The following ERC1 variants were observed in gnomAD, a reference collection of about 807,000 sequenced individuals.
The protein encoded by ERC1 is RAB6 interacting protein 2.
In ERC1, 56 loss-of-function variants were observed where a neutral mutation model predicts 132.0. That is an observed-to-expected ratio of 0.42 (90% confidence interval 0.34 to 0.53). The LOEUF is 0.53. Ranked by LOEUF, ERC1 falls within the 20% of genes least tolerant of loss-of-function variation. The probability of loss-of-function intolerance (pLI) is 0.03; values close to 1 mark genes in which losing one functional copy is unlikely to be tolerated. For synonymous variants in ERC1, 478 were observed against 476.1 expected, an observed-to-expected ratio of 1.00 and a Z score of -0.05; for missense variants, 1,202 against 1,349.9, an observed-to-expected ratio of 0.89 and a Z score of 1.72.
intron 18 of ERC1, among the ~76,000 whole-genome samples, chr12:1,451,648 A>T (rs578250292): frequency 2.0e-5 from 3 of 152,324 alleles, no homozygotes; most frequent in African/African-American, 7.2e-5. Context: ...TAAATTAAAA[A>T]TAAATTTTAA....
intron 15 of ERC1, among the ~76,000 whole-genome samples, chr12:1,343,465 T>C (rs2084116888): frequency 6.6e-6 from 1 of 152,210 alleles, no homozygotes; most frequent in Non-Finnish European, 1.5e-5. Flanking sequence ...TCCTATGAGC[T>C]GCACCAGGAA....
chr12:1,321,998 C>T (rs1340342061), intron 15 of ERC1, among the ~76,000 whole-genome samples: 2 of 150,808 alleles, frequency 1.3e-5, no homozygotes, highest in Non-Finnish European at 3.0e-5. Context: ...TTCCATACCA[C>T]GTTCGGCAGT....
chr12:1,066,553 G>T (rs1939225053), intron 2 of ERC1, among the ~76,000 whole-genome samples: 1 of 152,066 alleles, frequency 6.6e-6, no homozygotes, highest in South Asian at 2.1e-4. Context: ...TTATCACCTA[G>T]AGGCTGGGTG....
rs578172092 is a variant in ERC1, at chr12:1,270,018, G to A, written c.2619+6853G>A. Reference sequence around the variant, plus strand: ...AACCTAATTAAGTTGCCAGTTGGTAGATTATGATAAATAATTTTCGATGAC... The same window carrying A: ...AACCTAATTAAGTTGCCAGTTGGTAAATTATGATAAATAATTTTCGATGAC... On this transcript the variant is annotated intron_variant, in intron 14 of 18. Transcript: ENST00000360905. Among the ~76,000 whole-genome samples, 3 of 152,318 alleles carry A rather than the reference G, an allele frequency of 2.0e-5. No homozygotes were observed. In the South Asian group the frequency reaches 6.2e-4, roughly 32 times the overall value.
chr12:1,263,460 C>T (rs999868030), intron 14 of ERC1, among the ~76,000 whole-genome samples: 2 of 152,118 alleles, frequency 1.3e-5, no homozygotes, highest in African/African-American at 4.8e-5. Flanking sequence ...AATGCCTTGT[C>T]TACTCTTTCT....
intron 7 of ERC1, among the ~76,000 whole-genome samples, chr12:1,140,889 GAA>G (rs1169719369): frequency 6.6e-6 from 1 of 151,908 alleles, no homozygotes; most frequent in Non-Finnish European, 1.5e-5. Flanking sequence ...AAATGACAAT[GAA>G]AAAAGAATGT....
intron 2 of ERC1, among the ~76,000 whole-genome samples, chr12:1,055,658 A>G (rs763337137): frequency 6.6e-6 from 1 of 152,258 alleles, no homozygotes; most frequent in African/African-American, 2.4e-5. Flanking sequence ...TATGTATACA[A>G]TGATCAATCT....
At chr12:1,179,284 C>T (rs1244263033) in intron 8 of ERC1, among the ~76,000 whole-genome samples, 1 of 152,040 alleles carries the variant, frequency 6.6e-6, no homozygotes. Flanking sequence ...TCCTTGCATG[C>T]TGACACTGCC....
chr12:1,255,343 C>T (rs934349765), intron 13 of ERC1, among the ~76,000 whole-genome samples: 1 of 152,090 alleles, frequency 6.6e-6, no homozygotes, highest in African/African-American at 2.4e-5. Context: ...TCCAGTCTAT[C>T]GCTGATGGAC....
At position 1,083,392 on chromosome 12, in the gene ERC1, CA is replaced by C; in HGVS notation, c.899del (p.Gln300ArgfsTer3). 1 of 1,614,146 alleles carries C rather than the reference CA, an allele frequency of 6.2e-7. No homozygotes were observed. Among genetic ancestry groups the C allele is most frequent in the Non-Finnish European group, 8.5e-7 (1 of 1,180,018 alleles). On this transcript the variant is annotated frameshift_variant, in exon 3 of 19. Coordinates refer to ENST00000360905, the MANE Select transcript of ERC1 (RefSeq NM_178040.4). LOFTEE classifies it high-confidence loss of function. ...GGAGCTGCGTATTGAGACTCAAAAG[CA>C]GACCCTAAATGCTCGGGATGAATCC... ...EMELRIETQKQTLNARDESIK... is the reference protein window; with the variant it reads ...EMELRIETQKXTLNARDESIK...
At chr12:1,421,740 G>A (rs1294184014) in intron 17 of ERC1, among the ~76,000 whole-genome samples, 2 of 152,060 alleles carry the variant, frequency 1.3e-5, no homozygotes, top group Non-Finnish European at 2.9e-5. Flanking sequence ...GGAACGGGCT[G>A]CGCACAGTGG....
intron 1 of ERC1, among the ~76,000 whole-genome samples, chr12:1,010,229 C>T (rs529120891): frequency 6.6e-6 from 1 of 152,114 alleles, no homozygotes; most frequent in African/African-American, 2.4e-5. Context: ...GCCTGTAATC[C>T]CAGCAATTTG....
intron 12 of ERC1, among the ~76,000 whole-genome samples, chr12:1,227,486 G>C (rs2074681794): frequency 6.6e-6 from 1 of 152,144 alleles, no homozygotes; most frequent in Non-Finnish European, 1.5e-5. Context: ...TGTCTATTCA[G>C]ATCCTTTGCC....
chr12:994,863 A>G (rs1226531797), intron 1 of ERC1, among the ~76,000 whole-genome samples: 1 of 152,074 alleles, frequency 6.6e-6, no homozygotes, highest in African/African-American at 2.4e-5. Flanking sequence ...TTGGGAGGCC[A>G]AGGCGGGCGG....
At chr12:1,394,147 T>C (rs548396435) in intron 16 of ERC1, among the ~76,000 whole-genome samples, 97 of 150,790 alleles carry the variant, frequency 6.4e-4, no homozygotes, top group Admixed American at 1.3e-3. Flanking sequence ...ACACCTGTAA[T>C]CCCAGCACTT....
chr12:1,038,106 G>C (rs1007903981), intron 2 of ERC1, among the ~76,000 whole-genome samples: 1 of 151,968 alleles, frequency 6.6e-6, no homozygotes, highest in South Asian at 2.1e-4. Context: ...GTTTCACAAA[G>C]TAATGCTTCA....
chr12:1,058,482 T>C lies in ERC1; in HGVS notation c.670-24682T>C, dbSNP rs540992090. Among the ~76,000 whole-genome samples, 16 of 152,326 alleles carry C rather than the reference T, an allele frequency of 1.1e-4. No homozygotes were observed. In the East Asian group the frequency reaches 2.7e-3, roughly 26 times the overall value. On this transcript the variant is annotated intron_variant, in intron 2 of 18. Coordinates refer to ENST00000360905, the MANE Select transcript of ERC1 (RefSeq NM_178040.4). ...TTCCCAAAGTATGGTTTTGGCTCTT[T>C]TGTTGAAAATCAGTTGGCTGTAAAT...
In ERC1 at chr12:1,165,213, G is replaced by A. The variant is rs1225837881; in HGVS notation, c.1738-15327G>A. On this transcript the variant is annotated intron_variant, in intron 8 of 18. Coordinates refer to ENST00000360905, the MANE Select transcript of ERC1 (RefSeq NM_178040.4). ...CACGACTGTCTAGATGGAAACTCTT[G>A]TGTATTAGTGATCTAACAAGAACCA... Among the ~76,000 whole-genome samples, 3 of 152,292 alleles carry A rather than the reference G, an allele frequency of 2.0e-5. No homozygotes were observed. In the East Asian group the frequency reaches 5.8e-4, roughly 29 times the overall value.
At chr12:1,248,679 T>A (rs1436945273) in intron 13 of ERC1, among the ~76,000 whole-genome samples, 3 of 152,200 alleles carry the variant, frequency 2.0e-5, no homozygotes, top group African/African-American at 7.2e-5. Context: ...TTCAGGATAC[T>A]GTTTTTTGCA....
Sources: gnomAD v4.1 joint callset for allele counts (sites outside exome capture counted in the v4.1 genomes callset) on GRCh38, gnomAD v4.1.1 for gene constraint, MANE v1.5 for transcripts, NCBI Gene and HGNC (gene_info 2026-07-23, HGNC 2026-07-21) for gene names.